Variants in USP4 observed in about 807,000 individuals in gnomAD.
The protein encoded by USP4 is ubiquitin specific peptidase 4.
In USP4, 72 loss-of-function variants were observed where a neutral mutation model predicts 118.2. The ratio of observed to expected loss-of-function variants is 0.61; its 90% CI spans 0.50 to 0.74. USP4 has a LOEUF of 0.74. Among genes scored for constraint, USP4 ranks in the 30% least tolerant of loss-of-function variants. USP4 has a pLI of 0.00. For missense variants in USP4, 1,037 were observed against 1,185.7 expected (o/e 0.87, Z 1.84); for synonymous variants, 415 against 440.4 (o/e 0.94, Z 0.72).
chr3:49,307,412 T>A (rs1229824041), intron 8 of USP4, among the ~76,000 whole-genome samples: 2 of 149,620 alleles, frequency 1.3e-5, no homozygotes, highest in Non-Finnish European at 3.0e-5. Flanking sequence ...CAAGACTATG[T>A]CTCAAAAAAA....
At chr3:49,322,110 G>A (rs1452807372) in intron 6 of USP4, among the ~76,000 whole-genome samples, 2 of 152,150 alleles carry the variant, frequency 1.3e-5, no homozygotes, top group African/African-American at 4.8e-5. Context: ...AGACCCCTAG[G>A]TGTCCTTCTC....
At chr3:49,309,943 C>CTTTTTTTTTTATTTTTTTTTTTT (rs2047366194) in intron 8 of USP4, among the ~76,000 whole-genome samples, 1 of 40,236 alleles carries the variant, frequency 2.5e-5, no homozygotes, top group African/African-American at 1.1e-4. Flanking sequence ...TTTTTTTAAT[C>CTTTTTTTTTTATTTTTTTTTTTT]TTTTTTTTTT....
intron 7 of USP4, 65 bp from the exon 8 acceptor site, chr3:49,310,802 T>C (rs929048796): frequency 4.6e-6 from 6 of 1,310,036 alleles, no homozygotes; most frequent in Non-Finnish European, 6.6e-6. Context: ...AAGATGCTTT[T>C]TGAGGCTCCT....
At chr3:49,317,339 G>T in intron 6 of USP4, 1 of 1,267,552 alleles carries the variant, frequency 7.9e-7, no homozygotes, top group Non-Finnish European at 1.1e-6. Flanking sequence ...TTCTGCAGCC[G>T]CTGTTTCTTG....
chr3:49,320,842 G>A (rs892378642), intron 6 of USP4, among the ~76,000 whole-genome samples: 1 of 150,368 alleles, frequency 6.7e-6, no homozygotes, highest in Admixed American at 6.6e-5. Flanking sequence ...TTTTCCTTTT[G>A]CAGGTGTGGC....
chr3:49,277,290 G>A lies in USP4; in HGVS notation c.*1003C>T, dbSNP rs1210452706. 1.6e-6 allele frequency: 2 copies of A among 1,245,800 alleles called. No individual in the cohort carries two copies. Among genetic ancestry groups the A allele is most frequent in the Non-Finnish European group, 2.1e-6 (2 of 950,770 alleles). The allele number at this position is 1,245,800 out of a possible 1,614,324, so 77.2% of individuals were successfully genotyped here. A position where few individuals can be genotyped will look rare whatever the true frequency, so the allele number is the denominator to read the frequency against. Reference sequence around the variant, plus strand: ...GGTTGAAGGTCAGACAAAAAATCCCGGACCCATACGTCCGGTTCCTTAAGG... The same window carrying A: ...GGTTGAAGGTCAGACAAAAAATCCCAGACCCATACGTCCGGTTCCTTAAGG... On this transcript the variant is annotated 3_prime_UTR_variant, in exon 22 of 22. Coordinates refer to ENST00000265560, the MANE Select transcript of USP4 (RefSeq NM_003363.4).
Position 49,284,914 on chromosome 3 carries a change from A to G in USP4, c.2206T>C (p.Ser736Pro). The G allele has an allele frequency of 1.2e-6, 2 of 1,612,262 alleles. No homozygotes were observed. Among genetic ancestry groups the G allele is most frequent in the Non-Finnish European group, 1.7e-6 (2 of 1,179,004 alleles). ...CTGTCCCAATCCATGGCCAGTGTAG[A>G]TCGAGCTGAGGAGGACCAAAATGTC... is the stretch of plus-strand genomic sequence containing the variant. Reference protein sequence around the residue: ...DGKLLKLNSRSTLAMDWDSET... With the variant: ...DGKLLKLNSRPTLAMDWDSET... Residue 736 changes from serine to proline, a missense_variant, in exon 17 of 22, where the codon TCT (serine) becomes CCT (proline). This residue lies in a region of USP4 where 522 missense variants were observed against 592.6 expected (regional missense o/e 0.88). Coordinates refer to ENST00000265560, the MANE Select transcript of USP4 (RefSeq NM_003363.4).
chr3:49,337,011 G>A (rs1485220964), intron 1 of USP4, among the ~76,000 whole-genome samples: 11 of 152,020 alleles, frequency 7.2e-5, no homozygotes, highest in African/African-American at 2.2e-4. Context: ...AAGGCCAGGC[G>A]CAGTGGCTCA....
intron 15 of USP4, among the ~76,000 whole-genome samples, chr3:49,289,837 G>A (rs1254556733): frequency 6.6e-6 from 1 of 151,680 alleles, no homozygotes; most frequent in Admixed American, 6.6e-5. Flanking sequence ...CATGTGTGGC[G>A]GCTCACGCCT....
At chr3:49,331,146 C>A (rs1030342407) in intron 2 of USP4, among the ~76,000 whole-genome samples, 2 of 151,318 alleles carry the variant, frequency 1.3e-5, no homozygotes, top group East Asian at 2.0e-4. Context: ...CAAGGAGAAA[C>A]CCCGTCTCTA....
In USP4 at chr3:49,286,200, G is replaced by A. The variant is rs2047089290; in HGVS notation, c.2098C>T (p.Gln700Ter). ...SETTQKKIKG[Q>*]PCPKRLFTFS... ...GTAAAAAGCCTTTTTGGGCAGGGCT[G>A]GCCTTTGATCTTCTTTTGGGTGGTC... Residue 700 changes from glutamine to a stop codon, truncating the protein, a stop_gained, in exon 16 of 22, where the codon CAG (glutamine) becomes TAG (stop). Transcript: ENST00000265560. LOFTEE classifies it high-confidence loss of function. 1 of 1,614,110 alleles carries A rather than the reference G, an allele frequency of 6.2e-7. No homozygotes were observed. The highest frequency in any genetic ancestry group is 8.5e-7 in the Non-Finnish European group (1 of 1,180,028).
At chr3:49,331,857 A>G (rs1001358734) in intron 2 of USP4, among the ~76,000 whole-genome samples, 2 of 151,102 alleles carry the variant, frequency 1.3e-5, no homozygotes, top group African/African-American at 4.9e-5. Flanking sequence ...ATCTGGCCGG[A>G]CAGAGTGGCT....
intron 6 of USP4, chr3:49,314,146 T>C (rs2047412833): frequency 6.6e-6 from 1 of 152,240 alleles, no homozygotes; most frequent in South Asian, 2.1e-4. Context: ...TCATGGGATC[T>C]GATCTCAACT....
At chr3:49,289,829 T>C (rs958842728) in intron 15 of USP4, among the ~76,000 whole-genome samples, 3 of 150,796 alleles carry the variant, frequency 2.0e-5, no homozygotes, top group African/African-American at 7.3e-5. Context: ...ATATTGGCCA[T>C]GTGTGGCGGC....
At chr3:49,322,916 A>T (rs1366069051) in intron 6 of USP4, among the ~76,000 whole-genome samples, 1 of 151,760 alleles carries the variant, frequency 6.6e-6, no homozygotes, top group Non-Finnish European at 1.5e-5. Flanking sequence ...TGGATTACAA[A>T]TCTCTTCTCT....
At chr3:49,300,955 TATTG>T (rs533058154) in intron 10 of USP4, among the ~76,000 whole-genome samples, 38 of 152,292 alleles carry the variant, frequency 2.5e-4, no homozygotes, top group Non-Finnish European at 4.7e-4. Context: ...ATATATATTA[TATTG>T]ATTGATTGAG....
intron 16 of USP4, among the ~76,000 whole-genome samples, chr3:49,285,322 C>G (rs939611742): frequency 5.9e-5 from 9 of 152,034 alleles, no homozygotes; most frequent in Non-Finnish European, 1.5e-5. Flanking sequence ...AAAAGAGACC[C>G]CTACATCGCC....
intron 1 of USP4, among the ~76,000 whole-genome samples, chr3:49,336,712 G>T (rs1559483064): frequency 6.6e-6 from 1 of 151,646 alleles, no homozygotes; most frequent in Non-Finnish European, 1.5e-5. Context: ...AGTAGAGACA[G>T]GGTTTCTCCA....
intron 2 of USP4, among the ~76,000 whole-genome samples, chr3:49,329,354 A>G (rs2047590076): frequency 6.6e-6 from 1 of 152,024 alleles, no homozygotes; most frequent in South Asian, 2.1e-4. Flanking sequence ...CCAGACTCCT[A>G]TTAATGTTGA....
Sources: allele counts gnomAD v4.1 joint callset (sites outside exome capture counted in the v4.1 genomes callset), GRCh38; gene constraint gnomAD v4.1.1; regional missense constraint gnomAD v4.1.1; transcripts MANE v1.5; gene names NCBI Gene and HGNC (gene_info 2026-07-23, HGNC 2026-07-21).